LRRTM4: variants seen among roughly 807,000 people sequenced by gnomAD.
LRRTM4 encodes the protein leucine rich repeat transmembrane neuronal 4.
Under a neutral mutation model 47.6 loss-of-function variants are expected in LRRTM4, and 25 were observed. That is an observed-to-expected ratio of 0.53 (90% confidence interval 0.38 to 0.73). The LOEUF (loss-of-function observed/expected upper bound fraction) is 0.73, where lower values mean the gene tolerates loss of function less well. Among genes scored for constraint, LRRTM4 ranks in the 30% least tolerant of loss-of-function variants. The pLI, the probability that LRRTM4 is intolerant of heterozygous loss-of-function variation, is 0.00. For synonymous variants in LRRTM4, 311 were observed against 269.5 expected, an observed-to-expected ratio of 1.15 and a Z score of -1.51; for missense variants, 638 against 713.4, an observed-to-expected ratio of 0.89 and a Z score of 1.20.
chr2:76,791,858 T>C (rs1674993162), intron 3 of LRRTM4, among the ~76,000 whole-genome samples: 1 of 152,282 alleles, frequency 6.6e-6, no homozygotes, highest in Non-Finnish European at 1.5e-5. Context: ...TAGTTTCCAA[T>C]ATGAAATAGA....
intron 3 of LRRTM4, among the ~76,000 whole-genome samples, chr2:77,000,842 T>C (rs972560659): frequency 6.6e-6 from 1 of 152,120 alleles, no homozygotes; most frequent in Admixed American, 6.6e-5. Context: ...TGAGCCTCCA[T>C]GGTGGCTGTG....
intron 3 of LRRTM4, among the ~76,000 whole-genome samples, chr2:76,893,551 C>T (rs956823668): frequency 1.3e-5 from 2 of 151,658 alleles, no homozygotes; most frequent in African/African-American, 4.8e-5. Context: ...GTTTTTTCTA[C>T]TTGTGGTTTC....
Position 77,476,675 on chromosome 2 carries a change from C to T in LRRTM4, c.1551+41643G>A, listed in dbSNP as rs145634513. Reference sequence around the variant, plus strand: ...AATGTTCTAATGACATATTTCATGACGTAGAACAATTGTTATGCTAAAGCG... The same window carrying T: ...AATGTTCTAATGACATATTTCATGATGTAGAACAATTGTTATGCTAAAGCG... On this transcript the variant is annotated intron_variant, in intron 3 of 3. Coordinates refer to ENST00000409884, the MANE Select transcript of LRRTM4 (RefSeq NM_001134745.3). Among the ~76,000 whole-genome samples, 25 of 151,968 alleles carry T rather than the reference C, an allele frequency of 1.6e-4. No individual in the cohort carries two copies. In the East Asian group the frequency reaches 2.5e-3, roughly 15 times the overall value.
chr2:77,020,475 G>C (rs184230609), intron 3 of LRRTM4, among the ~76,000 whole-genome samples: 5 of 151,962 alleles, frequency 3.3e-5, no homozygotes, highest in African/African-American at 1.2e-4. Flanking sequence ...ACACAAAAAG[G>C]TTTCTAAGAA....
chr2:77,150,300 C>T (rs1415035443), intron 3 of LRRTM4, among the ~76,000 whole-genome samples: 6 of 152,168 alleles, frequency 3.9e-5, no homozygotes. Flanking sequence ...GCTACAATGT[C>T]ACCAAGAAAA....
chr2:77,374,756 T>C (rs1184462723), intron 3 of LRRTM4, among the ~76,000 whole-genome samples: 1 of 151,840 alleles, frequency 6.6e-6, no homozygotes, highest in African/African-American at 2.4e-5. Flanking sequence ...AGTTTACAAA[T>C]GCAGTATCAA....
At chr2:77,079,207 T>C (rs1052743948) in intron 3 of LRRTM4, among the ~76,000 whole-genome samples, 1 of 152,232 alleles carries the variant, frequency 6.6e-6, no homozygotes, top group Admixed American at 6.5e-5. Flanking sequence ...ATTTGTACTT[T>C]ATGACTATTT....
At chr2:76,849,585 C>T (rs557745459) in intron 3 of LRRTM4, among the ~76,000 whole-genome samples, 18 of 151,720 alleles carry the variant, frequency 1.2e-4, no homozygotes, top group South Asian at 2.1e-4. Context: ...CTGTAAAAGG[C>T]GACTTAAAAC....
intron 3 of LRRTM4, among the ~76,000 whole-genome samples, chr2:77,222,761 C>T (rs878886112): frequency 2.0e-5 from 3 of 152,074 alleles, no homozygotes; most frequent in Admixed American, 6.6e-5. Context: ...GATTCACAGC[C>T]GAATTCTACC....
At chr2:77,324,884 G>T (rs968116900) in intron 3 of LRRTM4, among the ~76,000 whole-genome samples, 1 of 152,156 alleles carries the variant, frequency 6.6e-6, no homozygotes. Context: ...AATACCTGTA[G>T]GTGATTCGAA....
In LRRTM4 at chr2:77,508,643, T is replaced by C. The variant is rs377281182; in HGVS notation, c.1551+9675A>G. Reference sequence around the variant, plus strand: ...CAATCATATCATGAGAAATATTCCATTGAAAAACTTAGAAAGAAATGTGTT... The same window carrying C: ...CAATCATATCATGAGAAATATTCCACTGAAAAACTTAGAAAGAAATGTGTT... On this transcript the variant is annotated intron_variant, in intron 3 of 3. Coordinates refer to ENST00000409884, the MANE Select transcript of LRRTM4 (RefSeq NM_001134745.3). Among the ~76,000 whole-genome samples the C allele has an allele frequency of 7.0e-4, 107 of 152,194 alleles. 3 individuals are homozygous for C. In the South Asian group the frequency reaches 0.02, roughly 28 times the overall value.
intron 3 of LRRTM4, among the ~76,000 whole-genome samples, chr2:76,985,443 G>A (rs1211988314): frequency 6.6e-6 from 1 of 151,962 alleles, no homozygotes; most frequent in Admixed American, 6.6e-5. Context: ...AAGGAACAGA[G>A]GAATAAGAAG....
chr2:77,100,551 C>T (rs982593896), intron 3 of LRRTM4, among the ~76,000 whole-genome samples: 1 of 152,052 alleles, frequency 6.6e-6, no homozygotes, highest in Non-Finnish European at 1.5e-5. Context: ...GACACATAAC[C>T]TGGATTCTTT....
intron 3 of LRRTM4, among the ~76,000 whole-genome samples, chr2:76,866,501 T>A (rs1672473344): frequency 6.6e-6 from 1 of 152,190 alleles, no homozygotes; most frequent in Admixed American, 6.5e-5. Flanking sequence ...CTCTTCATTT[T>A]TTTTTTCTAA....
intron 3 of LRRTM4, among the ~76,000 whole-genome samples, chr2:77,315,321 T>C (rs1318949346): frequency 6.6e-6 from 1 of 152,180 alleles, no homozygotes; most frequent in African/African-American, 2.4e-5. Flanking sequence ...ATTGTAGAAG[T>C]GTTTGTTCAC....
At chr2:77,314,827 T>C (rs1481124204) in intron 3 of LRRTM4, among the ~76,000 whole-genome samples, 7 of 152,194 alleles carry the variant, frequency 4.6e-5, no homozygotes, top group Non-Finnish European at 8.8e-5. Context: ...TTTTCTGGGC[T>C]AGCAATATGC....
intron 3 of LRRTM4, among the ~76,000 whole-genome samples, chr2:77,394,438 A>G (rs1048759283): frequency 2.0e-5 from 3 of 151,948 alleles, no homozygotes; most frequent in Non-Finnish European, 4.4e-5. Context: ...CTGTCAAGTA[A>G]AAAATCATGA....
At chr2:77,376,942 C>T (rs1672863206) in intron 3 of LRRTM4, among the ~76,000 whole-genome samples, 1 of 151,826 alleles carries the variant, frequency 6.6e-6, no homozygotes, top group Non-Finnish European at 1.5e-5. Flanking sequence ...GTAATTCTTC[C>T]TTATGGGAGA....
intron 3 of LRRTM4, among the ~76,000 whole-genome samples, chr2:77,324,905 G>A (rs1234427405): frequency 2.0e-5 from 3 of 152,082 alleles, no homozygotes; most frequent in Non-Finnish European, 4.4e-5. Flanking sequence ...CCAAGGTCAT[G>A]GTAGACTGAT....
Sources: allele counts gnomAD v4.1 joint callset (sites outside exome capture counted in the v4.1 genomes callset), GRCh38; gene constraint gnomAD v4.1.1; transcripts MANE v1.5; gene names NCBI Gene and HGNC (gene_info 2026-07-23, HGNC 2026-07-21).